The following MIA2 variants were observed in gnomAD, a reference collection of about 807,000 sequenced individuals.
MIA2 encodes MIA SH3 domain ER export factor 2.
A neutral mutation model predicts 167.8 loss-of-function variants in MIA2; 127 were observed. The observed-to-expected ratio is 0.76, with a 90% CI of 0.66 to 0.88. The LOEUF (loss-of-function observed/expected upper bound fraction) is 0.88, where lower values mean the gene tolerates loss of function less well. MIA2 is among the 40% of genes least tolerant of loss of function. The pLI is 0.00. For synonymous variants in MIA2, 552 were observed against 541.9 expected, an observed-to-expected ratio of 1.02 and a Z score of -0.26; for missense variants, 1,690 against 1,624.7, an observed-to-expected ratio of 1.04 and a Z score of -0.69.
chr14:39,358,900 C>G (rs4328353), intron 23 of MIA2, among the ~76,000 whole-genome samples: 2 of 152,124 alleles, frequency 1.3e-5, no homozygotes, highest in South Asian at 2.1e-4. Context: ...GCTGCCTGAT[C>G]GTTCCTCTGA....
At chr14:39,366,760 G>A (rs942891362) in intron 23 of MIA2, among the ~76,000 whole-genome samples, 5 of 152,156 alleles carry the variant, frequency 3.3e-5, no homozygotes, top group Non-Finnish European at 7.3e-5. Flanking sequence ...GCATTGTGGT[G>A]AGTGGAGAGA....
intron 28 of MIA2, among the ~76,000 whole-genome samples, chr14:39,349,398 A>G (rs2074062940): frequency 1.3e-5 from 2 of 152,228 alleles, no homozygotes; most frequent in South Asian, 4.1e-4. Context: ...AGTCCTACTT[A>G]TTTAAAACTT....
At chr14:39,251,619 C>T (rs12437261) in intron 4 of MIA2, among the ~76,000 whole-genome samples, 10,386 of 151,928 alleles carry the variant, frequency 0.068, 459 homozygotes, top group South Asian at 0.18. Flanking sequence ...TATTGTAGAT[C>T]ACTACTTGAG....
rs751787122 is a variant in MIA2 at position 39,308,503 on chromosome 14, A to G, written c.2933A>G (p.His978Arg). ...EQASLQSENT[H>R]FENENQKLQQ... ...GCATCTTTGCAGTCAGAAAACACAC[A>G]TTTTGAAAATGAGAATCAGAAGCTT... The change falls in exon 18 of 29, where the codon CAT (histidine) becomes CGT (arginine). Residue 978 changes from histidine to arginine, a missense_variant. Physicochemically the swap from His to Arg is conservative, Grantham distance 29. Coordinates refer to ENST00000640607, the MANE Select transcript of MIA2 (RefSeq NM_001329214.4). 109 of 1,577,656 alleles carry G rather than the reference A, an allele frequency of 6.9e-5. No homozygotes were observed. Among genetic ancestry groups the G allele is most frequent in the South Asian group, 3.5e-4 (30 of 86,406 alleles).
intron 23 of MIA2, among the ~76,000 whole-genome samples, chr14:39,374,632 A>C (rs2139336018): frequency 6.6e-6 from 1 of 152,322 alleles, no homozygotes; most frequent in South Asian, 2.1e-4. Context: ...GTTCATCCCA[A>C]GAGATCTTGT....
intron 6 of MIA2, 179 bp from the exon 7 acceptor site, chr14:39,276,755 C>G (rs1287534599): frequency 5.2e-6 from 3 of 576,226 alleles, no homozygotes; most frequent in Admixed American, 6.3e-5. Context: ...CACCATACTG[C>G]TGTTCTTTAC....
At chr14:39,324,898 C>T (rs540431664) in intron 24 of MIA2, among the ~76,000 whole-genome samples, 61 of 152,174 alleles carry the variant, frequency 4.0e-4, no homozygotes, top group African/African-American at 1.4e-3. Flanking sequence ...TGAGCCATCA[C>T]GCCTGGCTAT....
rs1555358714 is a variant in MIA2, at chr14:39,277,742, A to ATATATATATATATATATG, written c.2019+678_2019+679insATATATATATATATATGT. On this transcript the variant is annotated intron_variant, in intron 7 of 28. Transcript: ENST00000640607. ...TGTGTATATATATATATATATATAT[A>ATATATATATATATATATG]TGTGTGTATATATATATATATATAT... 4.2e-3 allele frequency among the ~76,000 whole-genome samples: 11 copies of ATATATATATATATATATG among 2,628 alleles called. 2 individuals carry two copies. Among genetic ancestry groups the ATATATATATATATATATG allele is most frequent in the Admixed American group, 0.035 (8 of 226 alleles). The allele number at this position is 2,628 out of a possible 152,430, so 1.7% of individuals were successfully genotyped here.
At chr14:39,370,759 GA>G (rs953336152) in intron 23 of MIA2, 1 of 156,162 alleles carries the variant, frequency 6.4e-6, no homozygotes, top group Non-Finnish European at 1.4e-5. Flanking sequence ...ATTTTGAACT[GA>G]AATACAGTAG....
intron 12 of MIA2, among the ~76,000 whole-genome samples, chr14:39,294,608 C>G (rs1261176103): frequency 4.6e-5 from 7 of 151,830 alleles, no homozygotes; most frequent in African/African-American, 1.5e-4. Flanking sequence ...TGACACTTAA[C>G]ATTAATAGAC....
intron 10 of MIA2, among the ~76,000 whole-genome samples, chr14:39,291,808 A>T (rs955560001): frequency 1.2e-4 from 19 of 152,184 alleles, no homozygotes; most frequent in African/African-American, 4.6e-4. Context: ...ATTTAGCTAA[A>T]CTAAGACAGA....
At chr14:39,238,860 A>G (rs1173952195) in intron 2 of MIA2, among the ~76,000 whole-genome samples, 1 of 150,208 alleles carries the variant, frequency 6.7e-6, no homozygotes, top group Non-Finnish European at 1.5e-5. Context: ...TTTGGCCCGA[A>G]GCTTTAGTAT....
At chr14:39,263,932 G>T (rs191706804) in intron 6 of MIA2, among the ~76,000 whole-genome samples, 3 of 152,126 alleles carry the variant, frequency 2.0e-5, no homozygotes, top group Admixed American at 1.3e-4. Context: ...ACCACGCCCA[G>T]CCCTTCCTTT....
intron 6 of MIA2, chr14:39,266,982 C>T (rs1594774291): frequency 7.9e-6 from 6 of 764,256 alleles, no homozygotes; most frequent in Non-Finnish European, 9.6e-6. Flanking sequence ...AGTATGAGGC[C>T]GAATCTCATC....
Position 39,302,313 on chromosome 14 carries a change from T to C in MIA2, c.2740+64T>C, listed in dbSNP as rs936648978. 9.6e-6 allele frequency: 15 copies of C among 1,568,838 alleles called. No homozygotes were observed. In the Admixed American group the frequency reaches 1.0e-4, roughly 11 times the overall value. ...GACTAGCTCTTCTATTTCCTTTTCG[T>C]TCCCTGTGTGCACCATGTTCTTTAT... On this transcript the variant is annotated intron_variant, in intron 15 of 28. Coordinates refer to ENST00000640607, the MANE Select transcript of MIA2 (RefSeq NM_001329214.4).
At chr14:39,253,353 T>A in intron 6 of MIA2, 182 bp downstream of exon 6, 1 of 811,570 alleles carries the variant, frequency 1.2e-6, no homozygotes, top group Non-Finnish European at 1.9e-6. Context: ...GATATTGATT[T>A]TTAAAAACAT....
At chr14:39,266,369 A>G (rs1428382296) in intron 6 of MIA2, 1 of 985,252 alleles carries the variant, frequency 1.0e-6, no homozygotes, top group Non-Finnish European at 1.2e-6. Context: ...AGAGTCCTAA[A>G]TTTAGAAGGC....
intron 9 of MIA2, among the ~76,000 whole-genome samples, chr14:39,285,848 C>T (rs1384642370): frequency 3.7e-5 from 5 of 134,140 alleles, no homozygotes; most frequent in African/African-American, 8.7e-5. Context: ...CAGACGGGGT[C>T]GCGGCCGGGC....
intron 1 of MIA2, among the ~76,000 whole-genome samples, chr14:39,236,159 G>T (rs937168406): frequency 2.0e-5 from 3 of 152,148 alleles, no homozygotes; most frequent in African/African-American, 7.2e-5. Flanking sequence ...TTTAGTGAAG[G>T]ATGACAAGAC....
Sources: allele counts gnomAD v4.1 joint callset (sites outside exome capture counted in the v4.1 genomes callset), GRCh38; gene constraint gnomAD v4.1.1; transcripts MANE v1.5; gene names NCBI Gene and HGNC (gene_info 2026-07-23, HGNC 2026-07-21).